Variants in ERN2 observed in about 807,000 individuals in gnomAD.
The protein encoded by ERN2 is serine/threonine-protein kinase/endoribonuclease IRE2.
A neutral mutation model predicts 107.9 loss-of-function variants in ERN2; 111 were observed. The ratio of observed to expected loss-of-function variants is 1.03; its 90% CI spans 0.88 to 1.20. The LOEUF (loss-of-function observed/expected upper bound fraction) is 1.20. Among genes scored for constraint, ERN2 ranks in the 50% most tolerant of loss-of-function variants. The probability of loss-of-function intolerance (pLI) is 0.00; values close to 1 mark genes in which losing one functional copy is unlikely to be tolerated. For synonymous variants in ERN2, 524 were observed against 501.7 expected (o/e 1.04, Z -0.59); for missense variants, 1,225 against 1,197.9 (o/e 1.02, Z -0.33).
intron 4 of ERN2, chr16:23,707,353 T>C (rs1182807579): frequency 4.6e-6 from 2 of 439,514 alleles, no homozygotes; most frequent in East Asian, 4.7e-5. Context: ...AATGCAGAAA[T>C]TCCCACACCC....
chr16:23,708,204 C>A (rs1411599102), intron 4 of ERN2, among the ~76,000 whole-genome samples: 18 of 152,142 alleles, frequency 1.2e-4, no homozygotes, highest in Non-Finnish European at 2.9e-5. Context: ...CCCACTGTCA[C>A]AAACCAAAGG....
Position 23,706,266 on chromosome 16 carries a change from T to C in ERN2, c.589+64A>G, listed in dbSNP as rs921047154. On this transcript the variant is annotated intron_variant, in intron 7 of 21. Transcript: ENST00000256797. Reference sequence around the variant, plus strand: ...GTGGCTGGGAATTGGTCATGGATGCTGTTCAGGGTTCCCTGGGTTGGGGAC... The same window carrying C: ...GTGGCTGGGAATTGGTCATGGATGCCGTTCAGGGTTCCCTGGGTTGGGGAC... 3.4e-5 allele frequency: 38 copies of C among 1,132,874 alleles called. No homozygotes were observed. In the African/African-American group the frequency reaches 5.7e-4, roughly 17 times the overall value. 70.2% of individuals were successfully genotyped at this position (1,132,874 alleles called of 1,614,324 possible). A position where few individuals can be genotyped will look rare whatever the true frequency, so the allele number is the denominator to read the frequency against.
chr16:23,712,841 A>G (rs920745725), intron 1 of ERN2: 20 of 471,878 alleles, frequency 4.2e-5, no homozygotes, highest in Non-Finnish European at 6.6e-5. Flanking sequence ...TCCCTGCTGA[A>G]GAGGCGGGGT....
In ERN2 at chr16:23,705,131, C is replaced by T. The variant is rs373918514; in HGVS notation, c.606G>A (p.Ala202=). 2.0e-5 allele frequency: 33 copies of T among 1,611,968 alleles called. No homozygotes were observed. The highest frequency in any genetic ancestry group is 1.3e-4 in the Admixed American group (8 of 59,996). Reference sequence around the variant, plus strand: ...TGAGCAGCAGGCCCATCCCGCAGGACGCCAGGTGGCTCATGTCTGCCGAGA... The same window carrying T: ...TGAGCAGCAGGCCCATCCCGCAGGATGCCAGGTGGCTCATGTCTGCCGAGA... ...GSPGKYMSHL[A]SCGMGLLLTV... The change falls in exon 8 of 22, where the codon GCG becomes GCA. Residue 202 remains alanine, a synonymous_variant. Coordinates refer to ENST00000256797, the MANE Select transcript of ERN2 (RefSeq NM_033266.4).
intron 13 of ERN2, among the ~76,000 whole-genome samples, chr16:23,700,042 T>TA (rs757768433): frequency 2.0e-5 from 3 of 152,090 alleles, no homozygotes; most frequent in Non-Finnish European, 4.4e-5. Context: ...AATAATACAA[T>TA]AATGAGCTGG....
chr16:23,707,687 G>A (rs969843017), intron 4 of ERN2, among the ~76,000 whole-genome samples: 10 of 152,246 alleles, frequency 6.6e-5, no homozygotes, highest in Non-Finnish European at 8.8e-5. Flanking sequence ...CACTCCAGCC[G>A]AGGCAATAGA....
Position 23,690,411 on chromosome 16 carries a change from C to G in ERN2, c.*420G>C, listed in dbSNP as rs16972818. On this transcript the variant is annotated 3_prime_UTR_variant, in exon 22 of 22. Transcript: ENST00000256797. ...AGGGGTGCCAGGGCCTGGGATCCAG[C>G]GAACATCTCTGCTTCATCAGCCCCA... The G allele has an allele frequency of 0.037, 17,195 of 458,864 alleles. 923 individuals are homozygous for G. Among genetic ancestry groups the G allele is most frequent in the African/African-American group, 0.16 (8,350 of 51,682 alleles). 28.4% of individuals were successfully genotyped at this position (458,864 alleles called of 1,614,324 possible).
In ERN2 at chr16:23,690,985, T is replaced by A; in HGVS notation, c.2627A>T (p.Asp876Val). The A allele has an allele frequency of 6.2e-7, 1 of 1,614,144 alleles. No homozygotes were observed. Among genetic ancestry groups the A allele is most frequent in the Non-Finnish European group, 8.5e-7 (1 of 1,180,032 alleles). The change falls in exon 22 of 22, where the codon GAT becomes GTT. Residue 876 changes from aspartate (D) to valine (V), a missense_variant. Physicochemically the swap from Asp to Val is radical, Grantham distance 152. Transcript: ENST00000256797. ...EVRQALGQVP[D>V]GFVQYFTNRF... ...GTTTGTGAAGTACTGGACGAAGCCA[T>A]CAGGGACTTGGCCGAGTGCCTGTCG...
chr16:23,711,003 G>T lies in ERN2; in HGVS notation c.109C>A (p.Pro37Thr). Reference sequence around the variant, plus strand: ...GTGGACACCAGCAGGAGGTTCTCTGGCCTGAGAGTATGAACCTGCAAGGGG... The same window carrying T: ...GTGGACACCAGCAGGAGGTTCTCTGTCCTGAGAGTATGAACCTGCAAGGGG... Reference protein sequence around the residue: ...TLSPQVHTLRPENLLLVSTLD... With the variant: ...TLSPQVHTLRTENLLLVSTLD... Residue 37 changes from proline to threonine, a missense_variant, in exon 2 of 22, where the codon CCA becomes ACA. Transcript: ENST00000256797. The T allele has an allele frequency of 6.2e-7, 1 of 1,613,696 alleles. No individual in the cohort carries two copies. The highest frequency in any genetic ancestry group is 8.5e-7 in the Non-Finnish European group (1 of 1,179,622).
rs369873025 is a variant in ERN2 at position 23,713,122 on chromosome 16, C to T, written c.66G>A (p.Ala22=). ...PRLGLQLQFA[A]LLLGTLSPQV... ...GTGGACTCAGCGTCCCGAGCAGCAG[C>T]GCCGCGAACTGGAGCTGGAGCCCCA... The change falls in exon 1 of 22, where the codon GCG becomes GCA. Residue 22 remains alanine (A), a synonymous_variant. Transcript: ENST00000256797. 1.3e-6 allele frequency: 2 copies of T among 1,576,010 alleles called. No individual in the cohort carries two copies. Among genetic ancestry groups the T allele is most frequent in the African/African-American group, 2.7e-5 (2 of 73,996 alleles).
At chr16:23,709,494 G>A (rs1960456710) in intron 4 of ERN2, 1 of 232,140 alleles carries the variant, frequency 4.3e-6, no homozygotes, top group African/African-American at 2.3e-5. Context: ...TTCACCACTG[G>A]ATTCTCAGCT....
intron 17 of ERN2, among the ~76,000 whole-genome samples, chr16:23,694,000 G>A (rs950752699): frequency 1.3e-5 from 2 of 152,058 alleles, no homozygotes; most frequent in Non-Finnish European, 2.9e-5. Context: ...TTGTTTGTTT[G>A]TTTTTTGTTT....
In ERN2 at chr16:23,690,852, G is replaced by T; in HGVS notation, c.2760C>A (p.Cys920Ter). The T allele has an allele frequency of 1.2e-6, 2 of 1,612,414 alleles. No homozygotes were observed. The highest frequency in any genetic ancestry group is 1.7e-6 in the Non-Finnish European group (2 of 1,179,988). The change falls in exon 22 of 22, where the codon TGC becomes TGA. Residue 920 changes from cysteine (C) to a stop codon, truncating the protein, a stop_gained. Coordinates refer to ENST00000256797, the MANE Select transcript of ERN2 (RefSeq NM_033266.4). LOFTEE classifies it high-confidence loss of function. ...YPPDSEARRP[C>*]PGATGR ...CACCTCACCTCCCTGTGGCCCCAGG[G>T]CATGGCCTCCTGGCCTCTGAGTCTG... is the stretch of plus-strand genomic sequence containing the variant.
intron 11 of ERN2, among the ~76,000 whole-genome samples, chr16:23,701,496 A>C (rs1334344976): frequency 6.6e-6 from 1 of 152,180 alleles, no homozygotes; most frequent in Non-Finnish European, 1.5e-5. Flanking sequence ...ACCTTGAGCT[A>C]CTTACTAGTG....
At position 23,710,548 on chromosome 16, in the gene ERN2, A is replaced by T. The variant is rs1184193105; in HGVS notation, c.201T>A (p.Asp67Glu). The T allele has an allele frequency of 4.3e-6, 7 of 1,614,176 alleles. No homozygotes were observed. The highest frequency in any genetic ancestry group is 5.9e-6 in the Non-Finnish European group (7 of 1,180,026). Reference sequence around the variant, plus strand: ...CGTACATTGGTCCTTCGATGACGGGATCTGCAGGGACAGGGACACAGAACA... The same window carrying T: ...CGTACATTGGTCCTTCGATGACGGGTTCTGCAGGGACAGGGACACAGAACA... ...TGDLKWTLRD[D>E]PVIEGPMYVT... The change falls in exon 3 of 22, where the codon GAT (aspartate) becomes GAA (glutamate). Residue 67 changes from aspartate (D) to glutamate (E), a missense_variant and splice_region_variant. Transcript: ENST00000256797.
chr16:23,700,008 T>C (rs1002205067), intron 13 of ERN2, among the ~76,000 whole-genome samples: 4 of 152,204 alleles, frequency 2.6e-5, no homozygotes, highest in African/African-American at 9.7e-5. Flanking sequence ...CCCAGTTTTA[T>C]CTACACCCAG....
chr16:23,706,083 G>A (rs1202536729), intron 7 of ERN2: 3 of 426,624 alleles, frequency 7.0e-6, no homozygotes, highest in Non-Finnish European at 8.3e-6. Flanking sequence ...AGGGTTACCC[G>A]GTTGGGGCCA....
In ERN2 at chr16:23,700,991, G is replaced by C. The variant is rs756347341; in HGVS notation, c.1327C>G (p.Leu443Val). Residue 443 changes from leucine to valine, a missense_variant, in exon 12 of 22, where the codon CTG becomes GTG. Coordinates refer to ENST00000256797, the MANE Select transcript of ERN2 (RefSeq NM_033266.4). ...LLAASLTAVL[L>V]GGWILFVMRQ... ...ATCACAAAGAGAATCCACCCTCCCA[G>C]GAGGACAGCAGTGAGGCTAGCTGCC... 5.0e-6 allele frequency: 8 copies of C among 1,614,042 alleles called. No homozygotes were observed. The Admixed American group carries it at 1.3e-4, about 27-fold the overall frequency.
Position 23,694,803 on chromosome 16 carries a change from G to A in ERN2, c.2025C>T (p.Ser675=), listed in dbSNP as rs1031737010. ...CCGTGCCGGGGATGCCGGAGTGGAGGCTGAAGCTACAGCGGCCAGCAGGCA... is the reference window on the plus strand; with the variant it reads ...CCGTGCCGGGGATGCCGGAGTGGAGACTGAAGCTACAGCGGCCAGCAGGCA... ...KKLPAGRCSF[S]LHSGIPGTEG... is the part of the protein sequence containing the mutation. The change falls in exon 17 of 22, where the codon AGC becomes AGT. Residue 675 remains serine, a synonymous_variant. Transcript: ENST00000256797. 13 of 1,613,610 alleles carry A rather than the reference G, an allele frequency of 8.1e-6. No homozygotes were observed. Among genetic ancestry groups the A allele is most frequent in the Middle Eastern group, 1.6e-4 (1 of 6,072 alleles).
Sources: gnomAD v4.1 joint callset for allele counts (sites outside exome capture counted in the v4.1 genomes callset) on GRCh38, gnomAD v4.1.1 for gene constraint, MANE v1.5 for transcripts, NCBI Gene and HGNC (gene_info 2026-07-23, HGNC 2026-07-21) for gene names.